Variants in KCNT2 observed in about 807,000 individuals in gnomAD.
The protein encoded by KCNT2 is potassium sodium-activated channel subfamily T member 2.
Under a neutral mutation model 153.8 loss-of-function variants are expected in KCNT2, and 67 were observed. The ratio of observed to expected loss-of-function variants is 0.44; its 90% CI spans 0.36 to 0.53. The LOEUF is 0.53. Among genes scored for constraint, KCNT2 ranks in the 20% least tolerant of loss-of-function variants. The pLI is 0.00. For synonymous variants in KCNT2, 500 were observed against 458.8 expected, an observed-to-expected ratio of 1.09 and a Z score of -1.15; for missense variants, 975 against 1,354.8, an observed-to-expected ratio of 0.72 and a Z score of 4.40.
intron 12 of KCNT2, among the ~76,000 whole-genome samples, chr1:196,406,882 G>A (rs914158151): frequency 3.3e-5 from 5 of 151,320 alleles, no homozygotes; most frequent in South Asian, 2.1e-4. Flanking sequence ...CTTGCCTGTC[G>A]GAATCTGCAT....
In KCNT2 at chr1:196,226,467, G is replaced by C. The variant is rs1653499804; in HGVS notation, c.*1757C>G. 1 of 151,896 alleles carries C rather than the reference G, an allele frequency of 6.6e-6. No individual in the cohort carries two copies. Among genetic ancestry groups the C allele is most frequent in the South Asian group, 2.1e-4 (1 of 4,820 alleles). The allele number at this position is 151,896 out of a possible 1,614,324, so 9.4% of individuals were successfully genotyped here. ...ATACAATCTTTAAGTTTTAAGGCAT[G>C]CTCCCAATTTTAGCTAACCTGTTAT... On this transcript the variant is annotated 3_prime_UTR_variant, in exon 28 of 28. Transcript: ENST00000294725.
At chr1:196,448,267 T>C (rs2148610653) in intron 8 of KCNT2, among the ~76,000 whole-genome samples, 1 of 151,730 alleles carries the variant, frequency 6.6e-6, no homozygotes, top group Non-Finnish European at 1.5e-5. Context: ...TTAGAGCTAT[T>C]ACTGGAATTA....
intron 27 of KCNT2, among the ~76,000 whole-genome samples, chr1:196,235,776 T>C (rs1470609891): frequency 6.6e-6 from 1 of 151,512 alleles, no homozygotes; most frequent in African/African-American, 2.4e-5. Flanking sequence ...TTCATGCTGC[T>C]ATTTCTTTAT....
intron 8 of KCNT2, among the ~76,000 whole-genome samples, chr1:196,442,082 A>G (rs1207914016): frequency 6.6e-6 from 1 of 151,806 alleles, no homozygotes; most frequent in Non-Finnish European, 1.5e-5. Flanking sequence ...GGAAACTCCA[A>G]TTCTATGAAA....
At chr1:196,274,124 T>A (rs1392349235) in intron 25 of KCNT2, among the ~76,000 whole-genome samples, 1 of 151,630 alleles carries the variant, frequency 6.6e-6, no homozygotes, top group Non-Finnish European at 1.5e-5. Flanking sequence ...GACAGAAATA[T>A]TCTGAGCTTT....
chr1:196,429,694 A>G lies in KCNT2; in HGVS notation c.702T>C (p.Tyr234=), dbSNP rs112412482. 4.3e-5 allele frequency: 69 copies of G among 1,612,788 alleles called. No individual in the cohort carries two copies. The African/African-American group carries it at 6.5e-4, about 15-fold the overall frequency. The change falls in exon 9 of 28, where the codon TAT becomes TAC. Residue 234 remains tyrosine, a synonymous_variant. Transcript: ENST00000294725. ...GKKLNLFDSL[Y]FCIVTFSTVG... Reference sequence around the variant, plus strand: ...CAGTAGAAAACGTCACAATGCAGAAATAAAGGGAGTCAAAGAGATTCAGCT... The same window carrying G: ...CAGTAGAAAACGTCACAATGCAGAAGTAAAGGGAGTCAAAGAGATTCAGCT...
At chr1:196,327,931 T>G (rs1266136968) in intron 18 of KCNT2, among the ~76,000 whole-genome samples, 6 of 151,910 alleles carry the variant, frequency 3.9e-5, no homozygotes, top group Non-Finnish European at 7.4e-5. Flanking sequence ...GCCACCATGC[T>G]CGGACACCTC....
rs139735059 is a variant in KCNT2 at position 196,467,446 on chromosome 1, G to A, written c.543+257C>T. 5.4e-4 allele frequency among the ~76,000 whole-genome samples: 82 copies of A among 151,888 alleles called. 1 individual carries two copies. The highest frequency in any genetic ancestry group is 1.9e-3 in the African/African-American group (79 of 41,428). The stretch of plus-strand genomic sequence containing the variant: ...CTATTTAACAGTATTTTACCACAAT[G>A]ACTCATTAAAAAAACATTTAAATGA... On this transcript the variant is annotated intron_variant, in intron 7 of 27. Coordinates refer to ENST00000294725, the MANE Select transcript of KCNT2 (RefSeq NM_198503.5).
intron 17 of KCNT2, 39 bp from the exon 18 acceptor site, chr1:196,331,300 T>A (rs1664435201): frequency 9.6e-7 from 1 of 1,044,546 alleles, no homozygotes. Flanking sequence ...GGATAAGGCA[T>A]GCAAATTTGA....
intron 1 of KCNT2, among the ~76,000 whole-genome samples, chr1:196,534,435 A>G (rs1038244810): frequency 1.3e-5 from 2 of 152,162 alleles, no homozygotes; most frequent in African/African-American, 4.8e-5. Context: ...ATTATTATTA[A>G]CATAGTATTT....
At chr1:196,435,717 C>T (rs993775362) in intron 8 of KCNT2, among the ~76,000 whole-genome samples, 3 of 151,740 alleles carry the variant, frequency 2.0e-5, no homozygotes, top group Admixed American at 1.3e-4. Flanking sequence ...CTAAAGCATT[C>T]GGACAACTGT....
At chr1:196,418,263 G>T (rs1253544175) in intron 12 of KCNT2, among the ~76,000 whole-genome samples, 1 of 151,994 alleles carries the variant, frequency 6.6e-6, no homozygotes, top group Non-Finnish European at 1.5e-5. Context: ...ATCACCTGTG[G>T]TCGGAAGTTC....
chr1:196,326,988 T>C (rs1461263768), intron 18 of KCNT2, 99 bp from the exon 19 acceptor site: 3 of 665,206 alleles, frequency 4.5e-6, no homozygotes, highest in African/African-American at 1.9e-5. Context: ...AATTGAACAA[T>C]GTAAATCCTT....
At chr1:196,592,429 T>TAA (rs1194868869) in intron 1 of KCNT2, among the ~76,000 whole-genome samples, 1 of 148,716 alleles carries the variant, frequency 6.7e-6, no homozygotes, top group Non-Finnish European at 1.5e-5. Flanking sequence ...TATATATATA[T>TAA]AATCTTATTC....
intron 14 of KCNT2, among the ~76,000 whole-genome samples, chr1:196,347,234 T>G (rs994550681): frequency 6.6e-6 from 1 of 152,184 alleles, no homozygotes; most frequent in African/African-American, 2.4e-5. Flanking sequence ...ATCCTATAGA[T>G]CTATCTAAAA....
At chr1:196,435,133 GTGTATGTATATATATATATATATA>G (rs1219975591) in intron 8 of KCNT2, among the ~76,000 whole-genome samples, 25 of 87,876 alleles carry the variant, frequency 2.8e-4, no homozygotes, top group Non-Finnish European at 5.2e-4. Context: ...ATGTGTGTGT[GTGTATGTATATATATATATATATA>G]TATATATATA....
intron 5 of KCNT2, among the ~76,000 whole-genome samples, chr1:196,476,614 T>C (rs1678554664): frequency 6.6e-6 from 1 of 152,192 alleles, no homozygotes; most frequent in South Asian, 2.1e-4. Context: ...AATTTACTTA[T>C]TGATCCACGA....
intron 26 of KCNT2, among the ~76,000 whole-genome samples, chr1:196,255,771 A>G (rs1322778098): frequency 6.6e-6 from 1 of 151,958 alleles, no homozygotes; most frequent in African/African-American, 2.4e-5. Context: ...TGGAATTACA[A>G]GTGAAATATT....
intron 17 of KCNT2, 152 bp downstream of exon 17, chr1:196,333,695 T>C: frequency 1.7e-6 from 1 of 602,984 alleles, no homozygotes; most frequent in Non-Finnish European, 3.0e-6. Flanking sequence ...CTACTAGCAG[T>C]GCGTTTTGGT....
Sources: gnomAD v4.1 joint callset for allele counts (sites outside exome capture counted in the v4.1 genomes callset) on GRCh38, gnomAD v4.1.1 for gene constraint, MANE v1.5 for transcripts, NCBI Gene and HGNC (gene_info 2026-07-23, HGNC 2026-07-21) for gene names.